The following CTNNA3 variants were observed in gnomAD, a reference collection of about 807,000 sequenced individuals.
CTNNA3 encodes the protein catenin alpha 3, also known as catenin alpha-3.
Under a neutral mutation model 95.7 loss-of-function variants are expected in CTNNA3, and 76 were observed. The observed-to-expected ratio is 0.79, with a 90% CI of 0.66 to 0.96. The LOEUF (loss-of-function observed/expected upper bound fraction) is 0.96. Ranked by LOEUF, CTNNA3 falls within the 40% of genes least tolerant of loss-of-function variation. The pLI is 0.00. For missense variants in CTNNA3, 1,191 were observed against 1,089.8 expected (o/e 1.09, Z -1.31); for synonymous variants, 431 against 374.4 (o/e 1.15, Z -1.74).
intron 5 of CTNNA3, among the ~76,000 whole-genome samples, chr10:67,423,824 G>T (rs1379480586): frequency 1.3e-5 from 2 of 152,114 alleles, no homozygotes; most frequent in East Asian, 3.9e-4. Flanking sequence ...ATCAATGTTT[G>T]CTGAATAAAT....
intron 13 of CTNNA3, among the ~76,000 whole-genome samples, chr10:66,192,299 G>C (rs984871845): frequency 1.3e-5 from 2 of 152,080 alleles, no homozygotes; most frequent in Non-Finnish European, 2.9e-5. Context: ...ATTTTCTATA[G>C]GTTGAGTGCA....
chr10:67,130,291 G>C (rs1859929589), intron 7 of CTNNA3, among the ~76,000 whole-genome samples: 1 of 151,968 alleles, frequency 6.6e-6, no homozygotes, highest in African/African-American at 2.4e-5. Context: ...CAGTCTCCTT[G>C]GTTTGTATGA....
At chr10:67,096,027 G>A (rs1857971526) in intron 7 of CTNNA3, among the ~76,000 whole-genome samples, 3 of 151,562 alleles carry the variant, frequency 2.0e-5, no homozygotes, top group Non-Finnish European at 4.4e-5. Context: ...TTTCATTCAC[G>A]CATCAGATAA....
intron 13 of CTNNA3, among the ~76,000 whole-genome samples, chr10:66,176,198 AAG>A: frequency 6.6e-6 from 1 of 152,296 alleles, no homozygotes; most frequent in East Asian, 1.9e-4. Flanking sequence ...GTATTTGTGA[AAG>A]AGTATAATTA....
At chr10:66,551,063 T>C (rs1842200522) in intron 10 of CTNNA3, among the ~76,000 whole-genome samples, 1 of 152,148 alleles carries the variant, frequency 6.6e-6, no homozygotes, top group Non-Finnish European at 1.5e-5. Context: ...ATTACTCTAA[T>C]ATTTACCCTT....
intron 7 of CTNNA3, among the ~76,000 whole-genome samples, chr10:66,895,408 T>C (rs755170068): frequency 1.4e-4 from 21 of 152,200 alleles, no homozygotes; most frequent in Admixed American, 6.5e-5. Context: ...AGATCAAAAA[T>C]GGATTATCAG....
At chr10:67,726,992 TTATA>T (rs1260776778) in intron 1 of CTNNA3, among the ~76,000 whole-genome samples, 2 of 116,026 alleles carry the variant, frequency 1.7e-5, no homozygotes, top group Non-Finnish European at 3.2e-5. Flanking sequence ...ACATATATAA[TTATA>T]TATAATATAT....
At chr10:66,346,228 TATATATATATATATATATAGAG>T (rs1279681018) in intron 12 of CTNNA3, among the ~76,000 whole-genome samples, 1,052 of 45,736 alleles carry the variant, frequency 0.023, 6 homozygotes, top group African/African-American at 0.04. Flanking sequence ...TATATATATA[TATATATATATATATATATAGAG>T]AGAGAGAGAG....
At chr10:66,510,383 C>T (rs935032333) in intron 11 of CTNNA3, among the ~76,000 whole-genome samples, 1 of 151,690 alleles carries the variant, frequency 6.6e-6, no homozygotes, top group African/African-American at 2.4e-5. Flanking sequence ...ATGGCAATTT[C>T]TTACTTTCTT....
chr10:67,333,782 T>A lies in CTNNA3; in HGVS notation c.580-113912A>T, dbSNP rs188825193. ...GCCTCCTTGGGCCTCAGTTGCCTCA[T>A]GTGAAAAATGAGAGGTCTACTAGAT... On this transcript the variant is annotated intron_variant, in intron 5 of 17. Coordinates refer to ENST00000433211, the MANE Select transcript of CTNNA3 (RefSeq NM_013266.4). 2.6e-4 allele frequency among the ~76,000 whole-genome samples: 40 copies of A among 152,156 alleles called. No individual in the cohort carries two copies. In the East Asian group the frequency reaches 4.4e-3, roughly 17 times the overall value.
intron 5 of CTNNA3, among the ~76,000 whole-genome samples, chr10:67,372,057 C>T (rs1843486582): frequency 6.6e-6 from 1 of 152,024 alleles, no homozygotes; most frequent in African/African-American, 2.4e-5. Flanking sequence ...ATATCTTTCG[C>T]CCACTTGCTG....
Position 66,962,976 on chromosome 10 carries a change from C to CTGAATGAA in CTNNA3, c.1048-187460_1048-187453dup, listed in dbSNP as rs539206689. 3.0e-3 allele frequency among the ~76,000 whole-genome samples: 450 copies of CTGAATGAA among 151,828 alleles called. 4 individuals are homozygous for CTGAATGAA. The highest frequency in any genetic ancestry group is 0.01 in the African/African-American group (432 of 41,374). On this transcript the variant is annotated intron_variant, in intron 7 of 17. Transcript: ENST00000433211. ...CAAGAATTCAATAAGTAGTTGTTGA[C>CTGAATGAA]TGAATGAATGAATGAAGGGGTTCTT...
At chr10:66,001,248 C>T (rs892088195) in intron 15 of CTNNA3, among the ~76,000 whole-genome samples, 2 of 152,104 alleles carry the variant, frequency 1.3e-5, no homozygotes, top group Non-Finnish European at 2.9e-5. Context: ...CTTTCTGTCT[C>T]TTATTCCCAT....
chr10:66,303,814 T>C (rs1451258010), intron 12 of CTNNA3, among the ~76,000 whole-genome samples: 1 of 151,974 alleles, frequency 6.6e-6, no homozygotes. Context: ...AGGATGGTCT[T>C]GATCTCCTGA....
chr10:67,201,580 T>C (rs971893115), intron 6 of CTNNA3, among the ~76,000 whole-genome samples: 2 of 152,232 alleles, frequency 1.3e-5, no homozygotes, highest in Non-Finnish European at 2.9e-5. Flanking sequence ...ATTATTCATT[T>C]AACTTCAAGT....
At position 67,010,815 on chromosome 10, in the gene CTNNA3, G is replaced by A. The variant is rs536085590; in HGVS notation, c.1047+169502C>T. On this transcript the variant is annotated intron_variant, in intron 7 of 17. Transcript: ENST00000433211. Reference sequence around the variant, plus strand: ...GAGCATATCCATATTTGTATGCCCAGTTCTCAGCAGAGTTTGACATATTTG... The same window carrying A: ...GAGCATATCCATATTTGTATGCCCAATTCTCAGCAGAGTTTGACATATTTG... Among the ~76,000 whole-genome samples, 3 of 152,258 alleles carry A rather than the reference G, an allele frequency of 2.0e-5. No homozygotes were observed. In the South Asian group the frequency reaches 6.2e-4, roughly 32 times the overall value.
intron 7 of CTNNA3, among the ~76,000 whole-genome samples, chr10:67,085,265 T>G (rs1857239939): frequency 6.6e-6 from 1 of 151,852 alleles, no homozygotes; most frequent in Non-Finnish European, 1.5e-5. Flanking sequence ...GCTGATCACA[T>G]AATAGTAATC....
At chr10:67,153,425 T>C (rs1861171473) in intron 7 of CTNNA3, among the ~76,000 whole-genome samples, 1 of 152,258 alleles carries the variant, frequency 6.6e-6, no homozygotes, top group East Asian at 1.9e-4. Flanking sequence ...CACAATTTTA[T>C]ATACTTTATC....
intron 13 of CTNNA3, among the ~76,000 whole-genome samples, chr10:66,256,577 CG>C (rs1185937712): frequency 6.6e-6 from 1 of 151,884 alleles, no homozygotes; most frequent in Non-Finnish European, 1.5e-5. Context: ...AAAAATTAGC[CG>C]GTCATGGTGG....
Sources: gnomAD v4.1 joint callset for allele counts (sites outside exome capture counted in the v4.1 genomes callset) on GRCh38, gnomAD v4.1.1 for gene constraint, MANE v1.5 for transcripts, NCBI Gene and HGNC (gene_info 2026-07-23, HGNC 2026-07-21) for gene names.